PLA2G4A: variants seen among roughly 807,000 people sequenced by gnomAD.
PLA2G4A encodes the protein cytosolic phospholipase A2.
A neutral mutation model predicts 81.9 loss-of-function variants in PLA2G4A; 40 were observed. The observed-to-expected ratio is 0.49, with a 90% confidence interval of 0.38 to 0.64. The LOEUF is 0.64. Ranked by LOEUF, PLA2G4A falls within the 30% of genes least tolerant of loss-of-function variation. The probability of loss-of-function intolerance (pLI) is 0.00; values close to 1 mark genes in which losing one functional copy is unlikely to be tolerated. For missense variants in PLA2G4A, 715 were observed against 905.1 expected, an observed-to-expected ratio of 0.79 and a Z score of 2.69; for synonymous variants, 302 against 296.9, an observed-to-expected ratio of 1.02 and a Z score of -0.18.
Position 186,988,555 on chromosome 1 carries a change from C to A in PLA2G4A, c.*47C>A, listed in dbSNP as rs1480866269. 2 of 1,560,706 alleles carry A rather than the reference C, an allele frequency of 1.3e-6. No individual in the cohort carries two copies. The highest frequency in any genetic ancestry group is 1.8e-6 in the Non-Finnish European group (2 of 1,135,616). ...CAGTTTCTGATGCTGAGGCAGTTTG[C>A]AATCCCATGACAACTGGATTTAAAA... is the stretch of plus-strand genomic sequence containing the variant. On this transcript the variant is annotated 3_prime_UTR_variant, in exon 18 of 18. Transcript: ENST00000367466.
At position 186,859,328 on chromosome 1, in the gene PLA2G4A, G is replaced by C. The variant is rs1571341206; in HGVS notation, c.33+4941G>C. ...TTCCTTATGTTTAGAATCATTACGA[G>C]GTGCCTTCCAACCTCAAGGATTTTT... is the stretch of plus-strand genomic sequence containing the variant. On this transcript the variant is annotated intron_variant, in intron 2 of 17. Transcript: ENST00000367466. 2.0e-5 allele frequency among the ~76,000 whole-genome samples: 3 copies of C among 152,166 alleles called. No individual in the cohort carries two copies. The Middle Eastern group carries it at 0.01, about 518-fold the overall frequency.
chr1:186,869,300 C>G (rs184665039), intron 2 of PLA2G4A, among the ~76,000 whole-genome samples: 3 of 152,164 alleles, frequency 2.0e-5, no homozygotes, highest in Admixed American at 6.5e-5. Flanking sequence ...CTACTCAACT[C>G]TTGGATGTTG....
chr1:186,974,256 A>G (rs1461105832), intron 15 of PLA2G4A, among the ~76,000 whole-genome samples: 1 of 152,034 alleles, frequency 6.6e-6, no homozygotes, highest in Non-Finnish European at 1.5e-5. Context: ...CTCTCCTTCA[A>G]GTCTTCTTAG....
intron 13 of PLA2G4A, among the ~76,000 whole-genome samples, chr1:186,951,161 T>A (rs1473153761): frequency 1.3e-5 from 2 of 152,124 alleles, no homozygotes; most frequent in African/African-American, 4.8e-5. Context: ...CTTATCCCAC[T>A]GGCTACACCC....
At chr1:186,962,787 T>C (rs1657004857) in intron 14 of PLA2G4A, among the ~76,000 whole-genome samples, 1 of 151,646 alleles carries the variant, frequency 6.6e-6, no homozygotes, top group South Asian at 2.1e-4. Flanking sequence ...CCCAAAGTGC[T>C]GGGATTAACA....
intron 13 of PLA2G4A, 120 bp from the exon 14 acceptor site, chr1:186,955,982 C>T (rs12720650): frequency 0.27 from 213,296 of 781,592 alleles, 32,366 homozygotes; most frequent in Admixed American, 0.49. Context: ...CCTCATGATC[C>T]GCCCGCCTTG....
intron 1 of PLA2G4A, among the ~76,000 whole-genome samples, chr1:186,850,255 G>T (rs913208408): frequency 6.6e-6 from 1 of 152,054 alleles, no homozygotes. Flanking sequence ...ATATGCAAAG[G>T]TTTCTTCGTT....
intron 5 of PLA2G4A, among the ~76,000 whole-genome samples, chr1:186,897,803 C>T (rs1056779421): frequency 2.0e-5 from 3 of 152,162 alleles, no homozygotes; most frequent in Non-Finnish European, 4.4e-5. Context: ...GCCACCACAC[C>T]CAGCCTGTTT....
chr1:186,879,199 A>G lies in PLA2G4A; in HGVS notation c.115+8683A>G, dbSNP rs540136340. ...AATATATTTTAATGAAATAATTTAG[A>G]TAAAATTCCAGACAAAAATATTTTT... On this transcript the variant is annotated intron_variant, in intron 3 of 17. Coordinates refer to ENST00000367466, the MANE Select transcript of PLA2G4A (RefSeq NM_024420.3). 3.6e-3 allele frequency among the ~76,000 whole-genome samples: 554 copies of G among 152,034 alleles called. 6 individuals carry two copies. Among genetic ancestry groups the G allele is most frequent in the African/African-American group, 0.013 (523 of 41,524 alleles).
chr1:186,855,338 CT>C (rs1652512138), intron 2 of PLA2G4A, among the ~76,000 whole-genome samples: 1 of 151,932 alleles, frequency 6.6e-6, no homozygotes, highest in Admixed American at 6.6e-5. Flanking sequence ...TTTGTTTCTT[CT>C]GTTTCCTTGC....
intron 13 of PLA2G4A, among the ~76,000 whole-genome samples, chr1:186,951,100 A>G (rs991438583): frequency 6.6e-6 from 1 of 151,904 alleles, no homozygotes; most frequent in African/African-American, 2.4e-5. Context: ...GTCTTTCAGA[A>G]TTTTGTTATT....
chr1:186,921,172 A>G (rs1167272544), intron 7 of PLA2G4A, among the ~76,000 whole-genome samples: 1 of 151,952 alleles, frequency 6.6e-6, no homozygotes, highest in Non-Finnish European at 1.5e-5. Context: ...TCTCTTGTTC[A>G]GGTCCCATTG....
intron 3 of PLA2G4A, among the ~76,000 whole-genome samples, chr1:186,878,976 A>G (rs1653625389): frequency 6.6e-6 from 1 of 151,896 alleles, no homozygotes; most frequent in African/African-American, 2.4e-5. Flanking sequence ...AAAAATTTAA[A>G]CATTTATGTG....
chr1:186,959,193 C>T (rs970228651), intron 14 of PLA2G4A, among the ~76,000 whole-genome samples: 1 of 49,792 alleles, frequency 2.0e-5, no homozygotes, highest in Non-Finnish European at 3.7e-5. Context: ...CAGAGCCAGA[C>T]TCCATCTCAA....
At chr1:186,830,216 T>A (rs1409574573) in intron 1 of PLA2G4A, among the ~76,000 whole-genome samples, 1 of 152,242 alleles carries the variant, frequency 6.6e-6, no homozygotes, top group Non-Finnish European at 1.5e-5. Context: ...AGAGAAGTGT[T>A]TAATGTGCAT....
chr1:186,938,903 C>T, intron 8 of PLA2G4A, 105 bp from the exon 9 acceptor site: 1 of 732,790 alleles, frequency 1.4e-6, no homozygotes, highest in South Asian at 1.5e-5. Context: ...ATGAAGTTAA[C>T]CAAATATGTC....
chr1:186,915,963 T>C (rs1655121667), intron 7 of PLA2G4A, among the ~76,000 whole-genome samples: 1 of 152,188 alleles, frequency 6.6e-6, no homozygotes, highest in Admixed American at 6.5e-5. Flanking sequence ...GAACTGGGTC[T>C]ACAGGTACTA....
chr1:186,979,630 C>T (rs1021022007), intron 17 of PLA2G4A, among the ~76,000 whole-genome samples, 158 bp downstream of exon 17: 2 of 152,168 alleles, frequency 1.3e-5, no homozygotes, highest in Non-Finnish European at 2.9e-5. Context: ...TGCTAATCTT[C>T]AGAAGAACCC....
At chr1:186,862,864 C>T (rs766642597) in intron 2 of PLA2G4A, among the ~76,000 whole-genome samples, 2 of 152,136 alleles carry the variant, frequency 1.3e-5, no homozygotes, top group Non-Finnish European at 2.9e-5. Context: ...TTTCACAGTC[C>T]ACTCAGTCAC....
Sources: allele counts gnomAD v4.1 joint callset (sites outside exome capture counted in the v4.1 genomes callset), GRCh38; gene constraint gnomAD v4.1.1; transcripts MANE v1.5; gene names NCBI Gene and HGNC (gene_info 2026-07-23, HGNC 2026-07-21).